TRERF1: variants seen among roughly 807,000 people sequenced by gnomAD.
TRERF1 encodes the protein transcriptional-regulating factor 1.
Under a neutral mutation model 122.9 loss-of-function variants are expected in TRERF1, and 27 were observed. That is an observed-to-expected ratio of 0.22 (90% CI 0.16 to 0.30). The LOEUF (loss-of-function observed/expected upper bound fraction) is 0.30. Ranked by LOEUF, TRERF1 falls within the 10% of genes least tolerant of loss-of-function variation. The pLI is 1.00. For synonymous variants in TRERF1, 636 were observed against 641.7 expected (o/e 0.99, Z 0.13); for missense variants, 1,248 against 1,560.3 (o/e 0.80, Z 3.37).
chr6:42,268,476 C>T lies in TRERF1; in HGVS notation c.1115G>A (p.Gly372Asp), dbSNP rs138286986. 2 of 1,604,632 alleles carry T rather than the reference C, an allele frequency of 1.2e-6. No individual in the cohort carries two copies. The highest frequency in any genetic ancestry group is 1.3e-5 in the African/African-American group (1 of 74,750). ...CTGGTAGTAGTACTGGGACATGGAG[C>T]CCAGGGGAATCAGCTGGACAGTGTG... is the stretch of plus-strand genomic sequence containing the variant. The change falls in exon 5 of 18, where the codon GGC becomes GAC. Residue 372 changes from glycine to aspartate, a missense_variant. Coordinates refer to ENST00000372922, the Ensembl canonical transcript of TRERF1. The surrounding 1 kb of genome is among the most constrained non-coding windows in gnomAD (Gnocchi z 4.4).
chr6:42,423,543 A>G (rs940987921), intron 2 of TRERF1, among the ~76,000 whole-genome samples: 1 of 152,188 alleles, frequency 6.6e-6, no homozygotes, highest in Non-Finnish European at 1.5e-5. Context: ...GAGATCTCCC[A>G]GCACCACCTT....
intron 3 of TRERF1, among the ~76,000 whole-genome samples, chr6:42,338,716 A>G (rs897707125): frequency 7.9e-5 from 12 of 152,046 alleles, no homozygotes; most frequent in Non-Finnish European, 1.8e-4. Flanking sequence ...GCCATCCTGC[A>G]TCCAGATCTT....
chr6:42,251,331 A>G (rs1304132623), intron 13 of TRERF1, among the ~76,000 whole-genome samples: 1 of 152,156 alleles, frequency 6.6e-6, no homozygotes, highest in Non-Finnish European at 1.5e-5. Context: ...CAAGACAGAC[A>G]TGTTCATTGC....
intron 2 of TRERF1, among the ~76,000 whole-genome samples, chr6:42,372,941 C>T (rs1217819190): frequency 6.6e-6 from 1 of 152,172 alleles, no homozygotes; most frequent in Non-Finnish European, 1.5e-5. Flanking sequence ...CTGAGCTCAA[C>T]TCTACCTCTG....
intron 2 of TRERF1, among the ~76,000 whole-genome samples, chr6:42,405,794 C>CA (rs34821967): frequency 0.11 from 12,047 of 108,016 alleles, 762 homozygotes; most frequent in African/African-American, 0.2. Context: ...GACCTTGTCT[C>CA]AAAAAAAAAA....
chr6:42,232,845 C>G lies in TRERF1; in HGVS notation c.3114G>C (p.Gly1038=). The change falls in exon 17 of 18, where the codon GGG becomes GGC. Residue 1038 remains glycine (G), a synonymous_variant. Coordinates refer to ENST00000372922, the Ensembl canonical transcript of TRERF1. The surrounding 1 kb of genome is among the most constrained non-coding windows in gnomAD (Gnocchi z 4.5). Reference sequence around the variant, plus strand: ...GGGCCTTGGTCACCTGGTTGGTGCCCCCGTGGATGCGGGCATGGCCATTCA... The same window carrying G: ...GGGCCTTGGTCACCTGGTTGGTGCCGCCGTGGATGCGGGCATGGCCATTCA... 1 of 1,611,124 alleles carries G rather than the reference C, an allele frequency of 6.2e-7. No individual in the cohort carries two copies. The highest frequency in any genetic ancestry group is 8.5e-7 in the Non-Finnish European group (1 of 1,178,752).
chr6:42,368,078 T>G (rs1773088193), intron 2 of TRERF1, among the ~76,000 whole-genome samples: 1 of 152,140 alleles, frequency 6.6e-6, no homozygotes. Context: ...GGACACAATC[T>G]GTGTCTCATC....
chr6:42,334,091 A>G (rs569222476), intron 3 of TRERF1, among the ~76,000 whole-genome samples: 216 of 152,048 alleles, frequency 1.4e-3, no homozygotes, highest in African/African-American at 4.9e-3. Context: ...GAATATATAT[A>G]TGTGTGTGTG....
At chr6:42,321,070 A>T (rs1032310494) in intron 3 of TRERF1, among the ~76,000 whole-genome samples, 5 of 151,812 alleles carry the variant, frequency 3.3e-5, no homozygotes, top group Non-Finnish European at 5.9e-5. Flanking sequence ...AAAAGGGGGG[A>T]ATTTTATAAA....
chr6:42,442,959 T>C (rs1786792547), intron 2 of TRERF1, among the ~76,000 whole-genome samples: 1 of 152,230 alleles, frequency 6.6e-6, no homozygotes, highest in South Asian at 2.1e-4. Flanking sequence ...TTTCCTCAGC[T>C]ATAAAATGAG....
chr6:42,316,170 G>C (rs955022163), intron 3 of TRERF1, among the ~76,000 whole-genome samples: 1 of 152,142 alleles, frequency 6.6e-6, no homozygotes, highest in African/African-American at 2.4e-5. Flanking sequence ...TGGGGAAGTG[G>C]CTGTGATGAC....
At chr6:42,349,081 T>C (rs1474486314) in intron 3 of TRERF1, among the ~76,000 whole-genome samples, 2 of 152,186 alleles carry the variant, frequency 1.3e-5, no homozygotes, top group Non-Finnish European at 2.9e-5. Flanking sequence ...TAATGCACCG[T>C]GAGGATTTGG....
At chr6:42,449,766 C>A (rs1376275559) in intron 2 of TRERF1, among the ~76,000 whole-genome samples, 4 of 152,186 alleles carry the variant, frequency 2.6e-5, no homozygotes, top group Non-Finnish European at 4.4e-5. Flanking sequence ...AACTCTCAAA[C>A]TGCCAAATAT....
intron 2 of TRERF1, among the ~76,000 whole-genome samples, chr6:42,450,628 T>C (rs930965666): frequency 1.3e-5 from 2 of 152,174 alleles, no homozygotes; most frequent in Non-Finnish European, 2.9e-5. Flanking sequence ...CCTCCGCTGG[T>C]GAAGGAGTGG....
Position 42,412,778 on chromosome 6 carries a change from T to A in TRERF1, c.-454+38399A>T, listed in dbSNP as rs547999630. Among the ~76,000 whole-genome samples the A allele has an allele frequency of 1.0e-3, 154 of 151,776 alleles. 1 individual carries two copies. The highest frequency in any genetic ancestry group is 3.0e-3 in the African/African-American group (125 of 41,372). On this transcript the variant is annotated intron_variant, in intron 2 of 17. Coordinates refer to ENST00000372922, the Ensembl canonical transcript of TRERF1. ...TTGTCTCTACAAAAACAAAAAAAAA[T>A]TAATTAATTTAAAAAAATTAGCCAG... is the stretch of plus-strand genomic sequence containing the variant.
At chr6:42,340,133 C>T (rs1020882912) in intron 3 of TRERF1, among the ~76,000 whole-genome samples, 2 of 152,194 alleles carry the variant, frequency 1.3e-5, no homozygotes, top group African/African-American at 2.4e-5. Flanking sequence ...TTGCCAGTCA[C>T]AACCAAACAA....
intron 2 of TRERF1, among the ~76,000 whole-genome samples, chr6:42,400,174 C>T (rs1337907335): frequency 6.6e-6 from 1 of 152,172 alleles, no homozygotes; most frequent in Non-Finnish European, 1.5e-5. Context: ...GAGAAAAATA[C>T]TCCTGGTCCC....
intron 3 of TRERF1, among the ~76,000 whole-genome samples, chr6:42,308,741 T>G (rs1381785649): frequency 6.6e-6 from 1 of 151,810 alleles, no homozygotes; most frequent in Admixed American, 6.6e-5. Flanking sequence ...TGATGAGAAC[T>G]TATGAACACA....
At chr6:42,387,464 A>G (rs1017261220) in intron 2 of TRERF1, among the ~76,000 whole-genome samples, 3 of 152,072 alleles carry the variant, frequency 2.0e-5, no homozygotes, top group African/African-American at 7.2e-5. Flanking sequence ...GTTACCCCCC[A>G]TTTCCTTTAC....
Sources: allele counts gnomAD v4.1 joint callset (sites outside exome capture counted in the v4.1 genomes callset), GRCh38; gene constraint gnomAD v4.1.1; non-coding constraint Gnocchi (gnomAD v3.1); transcripts MANE v1.5; gene names NCBI Gene and HGNC (gene_info 2026-07-23, HGNC 2026-07-21).